Variants in MOB3B observed in about 807,000 individuals in gnomAD.
MOB3B encodes the protein MOB kinase activator-like 2B.
MOB3B carries 7 observed loss-of-function variants against 18.7 expected under a neutral mutation model. The observed-to-expected ratio is 0.37, with a 90% CI of 0.21 to 0.70. MOB3B has a LOEUF of 0.70. Among genes scored for constraint, MOB3B ranks in the 30% least tolerant of loss-of-function variants. The pLI is 0.52. For synonymous variants in MOB3B, 111 were observed against 99.9 expected (o/e 1.11, Z -0.66); for missense variants, 253 against 281.3 (o/e 0.90, Z 0.72).
chr9:27,346,010 C>A (rs1213302371), intron 3 of MOB3B, among the ~76,000 whole-genome samples: 1 of 152,164 alleles, frequency 6.6e-6, no homozygotes, highest in Non-Finnish European at 1.5e-5. Flanking sequence ...CATGCTGGAA[C>A]CTAATGCCCA....
intron 3 of MOB3B, among the ~76,000 whole-genome samples, chr9:27,348,714 A>C (rs1821065995): frequency 1.3e-5 from 2 of 152,074 alleles, no homozygotes; most frequent in Non-Finnish European, 2.9e-5. Flanking sequence ...TGTGGGCTGG[A>C]CTTAGTAACC....
intron 2 of MOB3B, among the ~76,000 whole-genome samples, chr9:27,424,859 G>A (rs542266635): frequency 3.9e-5 from 6 of 152,230 alleles, no homozygotes; most frequent in East Asian, 3.9e-4. Flanking sequence ...TACTTGTGTC[G>A]TAAGAACCAA....
chr9:27,518,432 C>A (rs979809735), intron 1 of MOB3B, among the ~76,000 whole-genome samples: 2 of 152,170 alleles, frequency 1.3e-5, no homozygotes, highest in South Asian at 4.1e-4. Flanking sequence ...AGTAAAAGCC[C>A]CATTCGGGCT....
At chr9:27,432,223 T>C (rs1822427596) in intron 2 of MOB3B, among the ~76,000 whole-genome samples, 1 of 152,188 alleles carries the variant, frequency 6.6e-6, no homozygotes, top group Non-Finnish European at 1.5e-5. Flanking sequence ...TTCAACCAGA[T>C]AGAAGCTCCC....
At chr9:27,505,011 C>G (rs183574564) in intron 1 of MOB3B, among the ~76,000 whole-genome samples, 119 of 152,230 alleles carry the variant, frequency 7.8e-4, no homozygotes, top group African/African-American at 2.8e-3. Context: ...TCATAAGGAC[C>G]CTGTGGCTAC....
chr9:27,440,200 G>A (rs187290049), intron 2 of MOB3B, among the ~76,000 whole-genome samples: 1 of 152,218 alleles, frequency 6.6e-6, no homozygotes, highest in Admixed American at 6.5e-5. Context: ...ATACATATCT[G>A]CCCATCTGCA....
intron 2 of MOB3B, chr9:27,378,203 C>T: frequency 2.8e-6 from 1 of 360,322 alleles, no homozygotes; most frequent in Non-Finnish European, 5.6e-6. Flanking sequence ...CTTTGCATTT[C>T]TCTTTCTGAC....
chr9:27,370,385 G>T (rs982622777), intron 2 of MOB3B, among the ~76,000 whole-genome samples: 4 of 152,012 alleles, frequency 2.6e-5, no homozygotes, highest in African/African-American at 9.7e-5. Context: ...GTGCATGCTT[G>T]TAATCCCAGC....
intron 1 of MOB3B, among the ~76,000 whole-genome samples, chr9:27,511,515 T>C (rs183551378): frequency 6.6e-5 from 10 of 152,302 alleles, no homozygotes; most frequent in South Asian, 2.1e-4. Flanking sequence ...AGAAGCTCCA[T>C]GGGCTCTGCT....
chr9:27,409,723 G>GTA (rs1169744998), intron 2 of MOB3B, among the ~76,000 whole-genome samples: 2 of 151,938 alleles, frequency 1.3e-5, no homozygotes, highest in African/African-American at 4.8e-5. Context: ...ACAAAATGTG[G>GTA]TATATATATA....
At chr9:27,384,437 C>T (rs531340176) in intron 2 of MOB3B, among the ~76,000 whole-genome samples, 4 of 152,214 alleles carry the variant, frequency 2.6e-5, no homozygotes, top group Admixed American at 6.5e-5. Flanking sequence ...CTCAGTAATT[C>T]AAACAATCTC....
At chr9:27,368,353 TACACACAC>T (rs138287792) in intron 2 of MOB3B, among the ~76,000 whole-genome samples, 3,622 of 145,978 alleles carry the variant, frequency 0.025, 145 homozygotes, top group African/African-American at 0.084. Flanking sequence ...CACACATACA[TACACACAC>T]ACACACACAC....
At position 27,408,110 on chromosome 9, in the gene MOB3B, A is replaced by G. The variant is rs113408107; in HGVS notation, c.418+47023T>C. Among the ~76,000 whole-genome samples the G allele has an allele frequency of 3.7e-3, 566 of 152,288 alleles. 3 individuals carry two copies. Among genetic ancestry groups the G allele is most frequent in the African/African-American group, 0.013 (546 of 41,562 alleles). ...AATCTCTGGCCGAGGCTGACACAGAAGGCTCACAACAAACCATGTGCCTCC... is the reference window on the plus strand; with the variant it reads ...AATCTCTGGCCGAGGCTGACACAGAGGGCTCACAACAAACCATGTGCCTCC... On this transcript the variant is annotated intron_variant, in intron 2 of 3. Coordinates refer to ENST00000262244, the MANE Select transcript of MOB3B (RefSeq NM_024761.5).
At chr9:27,467,657 G>A (rs1314117628) in intron 1 of MOB3B, among the ~76,000 whole-genome samples, 3 of 152,240 alleles carry the variant, frequency 2.0e-5, no homozygotes, top group Non-Finnish European at 4.4e-5. Context: ...GCAAGTGGAG[G>A]GATGGATTCA....
rs548790569 is a variant in MOB3B, at chr9:27,469,849, G to A, written c.-198-14101C>T. 5.3e-5 allele frequency among the ~76,000 whole-genome samples: 8 copies of A among 152,192 alleles called. No homozygotes were observed. The South Asian group carries it at 1.2e-3, about 24-fold the overall frequency. On this transcript the variant is annotated intron_variant, in intron 1 of 3. Transcript: ENST00000262244. ...ACCTAGAATTTCAGCACTTTGGGAA[G>A]CCAAGGCAGGAGGATCGCTTGAAGC...
Position 27,419,614 on chromosome 9 carries a change from G to A in MOB3B, c.418+35519C>T, listed in dbSNP as rs147316378. The stretch of plus-strand genomic sequence containing the variant: ...ATTGGCTAGCCACAAGTAGGAGAAT[G>A]AAACTGGATCCTCATCTCTCGCCTT... On this transcript the variant is annotated intron_variant, in intron 2 of 3. Coordinates refer to ENST00000262244, the MANE Select transcript of MOB3B (RefSeq NM_024761.5). Among the ~76,000 whole-genome samples the A allele has an allele frequency of 1.1e-4, 16 of 152,292 alleles. 1 individual carries two copies. The East Asian group carries it at 3.1e-3, about 29-fold the overall frequency.
intron 3 of MOB3B, among the ~76,000 whole-genome samples, chr9:27,345,079 G>A (rs527415151): frequency 6.6e-6 from 1 of 152,344 alleles, no homozygotes; most frequent in African/African-American, 2.4e-5. Flanking sequence ...GTATGCAGCA[G>A]CATGGGGTGA....
chr9:27,479,494 G>C (rs1819613853), intron 1 of MOB3B, among the ~76,000 whole-genome samples: 2 of 152,094 alleles, frequency 1.3e-5, no homozygotes, highest in Non-Finnish European at 2.9e-5. Flanking sequence ...AAAAAAGAGA[G>C]ACTATCCAAT....
chr9:27,333,116 T>C (rs922983759), intron 3 of MOB3B, among the ~76,000 whole-genome samples: 1 of 152,198 alleles, frequency 6.6e-6, no homozygotes, highest in Non-Finnish European at 1.5e-5. Flanking sequence ...GCAGAGTTTT[T>C]TTTTAAGTAG....
Sources: allele counts gnomAD v4.1 joint callset (sites outside exome capture counted in the v4.1 genomes callset), GRCh38; gene constraint gnomAD v4.1.1; transcripts MANE v1.5; gene names NCBI Gene and HGNC (gene_info 2026-07-23, HGNC 2026-07-21).